Variants in NLRC5 observed in about 807,000 individuals in gnomAD.
NLRC5 encodes protein NLRC5.
Under a neutral mutation model 206.9 loss-of-function variants are expected in NLRC5, and 114 were observed. That is an observed-to-expected ratio of 0.55 (90% confidence interval 0.47 to 0.64). The LOEUF (loss-of-function observed/expected upper bound fraction) is 0.64, where lower values mean the gene tolerates loss of function less well. Ranked by LOEUF, NLRC5 falls within the 30% of genes least tolerant of loss-of-function variation. The pLI, the probability that NLRC5 is intolerant of heterozygous loss-of-function variation, is 0.00. For synonymous variants in NLRC5, 952 were observed against 962.8 expected (o/e 0.99, Z 0.21); for missense variants, 2,008 against 2,305.5 (o/e 0.87, Z 2.64).
intron 20 of NLRC5, among the ~76,000 whole-genome samples, chr16:57,044,497 AC>A (rs2063695721): frequency 6.6e-6 from 1 of 151,898 alleles, no homozygotes; most frequent in Non-Finnish European, 1.5e-5. Flanking sequence ...TTCCCTAAGG[AC>A]CCCCAAGAAT....
In NLRC5 at chr16:57,029,875, G is replaced by A. The variant is rs756119288; in HGVS notation, c.2327+19G>A. The A allele has an allele frequency of 1.1e-5, 17 of 1,611,786 alleles. No individual in the cohort carries two copies. The highest frequency in any genetic ancestry group is 1.4e-5 in the Non-Finnish European group (16 of 1,177,962). ...AGCTTGAGTAAGTGATCTTTCCACTGCCTCTGCAGCCCAGTCCCTCTCTAT... is the reference window on the plus strand; with the variant it reads ...AGCTTGAGTAAGTGATCTTTCCACTACCTCTGCAGCCCAGTCCCTCTCTAT... On this transcript the variant is annotated intron_variant, in intron 9 of 48. Transcript: ENST00000688547.
At chr16:57,013,951 A>G (rs1366830170) in intron 1 of NLRC5, 2 of 462,072 alleles carry the variant, frequency 4.3e-6, no homozygotes, top group Non-Finnish European at 8.1e-6. Context: ...TCAGAATTTC[A>G]AATGTCTGTA....
chr16:57,006,956 A>G (rs1301972336), intron 1 of NLRC5, among the ~76,000 whole-genome samples: 1 of 150,764 alleles, frequency 6.6e-6, no homozygotes, highest in African/African-American at 2.4e-5. Flanking sequence ...TTTGTGAGCT[A>G]TCACTGATAA....
chr16:57,014,241 TTC>T (rs2059796127), intron 1 of NLRC5: 1 of 159,492 alleles, frequency 6.3e-6, no homozygotes, highest in African/African-American at 2.4e-5. Flanking sequence ...CCCCCCTTTT[TTC>T]TTTCAATATC....
At chr16:57,051,507 C>T (rs1284700912) in intron 23 of NLRC5, 31 bp from the exon 24 acceptor site, 4 of 1,565,700 alleles carry the variant, frequency 2.6e-6, no homozygotes, top group African/African-American at 2.7e-5. Flanking sequence ...GGAAGGTTTC[C>T]CCCACCTCAT....
intron 46 of NLRC5, 81 bp from the exon 47 acceptor site, chr16:57,081,017 G>T: frequency 7.7e-7 from 1 of 1,307,082 alleles, no homozygotes; most frequent in Non-Finnish European, 1.1e-6. Flanking sequence ...CTGGCACCCT[G>T]CTTTCCCCAT....
At position 57,036,152 on chromosome 16, in the gene NLRC5, G is replaced by A; in HGVS notation, c.2680G>A (p.Ala894Thr). ...AGGCTGTCGGCTGATGGCAGAGGCT[G>A]CATCCCAGCTGCACATCGCCAGGAA... is the stretch of plus-strand genomic sequence containing the variant. ...DEGCRLMAEA[A>T]SQLHIARKLD... is the part of the protein sequence containing the mutation. Residue 894 changes from alanine (A) to threonine (T), a missense_variant, in exon 14 of 49, where the codon GCA (alanine) becomes ACA (threonine). Physicochemically the swap from Ala to Thr is moderately conservative, Grantham distance 58. Coordinates refer to ENST00000688547, the MANE Select transcript of NLRC5 (RefSeq NM_001384950.1). The A allele has an allele frequency of 6.2e-7, 1 of 1,613,506 alleles. No individual in the cohort carries two copies. The highest frequency in any genetic ancestry group is 8.5e-7 in the Non-Finnish European group (1 of 1,179,978).
At chr16:57,002,889 C>T (rs1214506175) in intron 1 of NLRC5, among the ~76,000 whole-genome samples, 1 of 152,066 alleles carries the variant, frequency 6.6e-6, no homozygotes, top group African/African-American at 2.4e-5. Flanking sequence ...ATGATCTGCC[C>T]ACCTCGGCCT....
At chr16:57,070,646 G>GT in intron 38 of NLRC5, 28 bp downstream of exon 38, 2 of 1,584,856 alleles carry the variant, frequency 1.3e-6, no homozygotes, top group Non-Finnish European at 1.7e-6. Flanking sequence ...TTGTGGGTGA[G>GT]TGAGTGGTGG....
rs148395613 is a variant in NLRC5, at chr16:56,997,996, A to C, written c.-128+8379A>C. On this transcript the variant is annotated intron_variant, in intron 1 of 48. Coordinates refer to ENST00000688547, the MANE Select transcript of NLRC5 (RefSeq NM_001384950.1). ...CCAAAGGGAGCTGGGACTTGTCCGG[A>C]TGTCAGCCTCTAAGTCAGTTTTGGG... 3.4e-3 allele frequency among the ~76,000 whole-genome samples: 521 copies of C among 152,102 alleles called. 4 individuals are homozygous for C. The highest frequency in any genetic ancestry group is 6.2e-3 in the Non-Finnish European group (420 of 67,982).
intron 1 of NLRC5, among the ~76,000 whole-genome samples, chr16:57,002,152 C>T (rs745962368): frequency 9.2e-5 from 14 of 152,012 alleles, no homozygotes; most frequent in Non-Finnish European, 1.9e-4. Context: ...CTCTTTTATT[C>T]TTTTCTTTCT....
chr16:57,016,369 GT>G (rs2060107316), intron 1 of NLRC5, among the ~76,000 whole-genome samples: 1 of 152,140 alleles, frequency 6.6e-6, no homozygotes, highest in African/African-American at 2.4e-5. Flanking sequence ...ACGTGGATTT[GT>G]CTAAAGTCAT....
At chr16:57,024,104 G>A (rs1381693906) in intron 5 of NLRC5, among the ~76,000 whole-genome samples, 1 of 152,234 alleles carries the variant, frequency 6.6e-6, no homozygotes, top group Non-Finnish European at 1.5e-5. Flanking sequence ...TGAAGGAGCT[G>A]GAAGCACCAT....
chr16:57,057,983 G>A (rs2065912175), intron 27 of NLRC5, 82 bp from the exon 28 acceptor site: 2 of 1,111,390 alleles, frequency 1.8e-6, no homozygotes, highest in Non-Finnish European at 2.7e-6. Flanking sequence ...AGTGACAGTG[G>A]ATGCAGGCTC....
chr16:57,026,548 C>T lies in NLRC5; in HGVS notation c.1605C>T (p.Asp535=), dbSNP rs779422061. 1 of 1,614,192 alleles carries T rather than the reference C, an allele frequency of 6.2e-7. No individual in the cohort carries two copies. The highest frequency in any genetic ancestry group is 1.1e-5 in the South Asian group (1 of 91,088). Residue 535 remains aspartate (D), a synonymous_variant, in exon 6 of 49, where the codon GAC becomes GAT. Transcript: ENST00000688547. ...TGGCCAGCCCCAAGGTGAACAAAGA[C>T]ACACTTACCCAGTATGTTACCCTCC... is the stretch of plus-strand genomic sequence containing the variant. ...HLMASPKVNK[D]TLTQYVTLHS...
At chr16:57,078,089 T>G (rs75220858) in intron 43 of NLRC5, 69 bp downstream of exon 43, 408,186 of 1,315,726 alleles carry the variant, frequency 0.31, 68,009 homozygotes, top group African/African-American at 0.61. Context: ...AGTGGGGGGG[T>G]CCAGGCCCCC....
intron 13 of NLRC5, chr16:57,034,595 A>G (rs1174750958): frequency 1.5e-5 from 3 of 205,680 alleles, no homozygotes; most frequent in African/African-American, 2.3e-5. Flanking sequence ...AAGCCCAGAC[A>G]GTCTGGCTCG....
At chr16:57,053,111 A>G (rs553392226) in intron 24 of NLRC5, 2 of 152,346 alleles carry the variant, frequency 1.3e-5, no homozygotes, top group African/African-American at 4.8e-5. Context: ...AAAAATAAGT[A>G]AAGTAAAATC....
At chr16:57,042,867 G>C (rs535448320) in intron 19 of NLRC5, among the ~76,000 whole-genome samples, 1 of 152,314 alleles carries the variant, frequency 6.6e-6, no homozygotes, top group East Asian at 1.9e-4. Flanking sequence ...GCAATGCTGG[G>C]AAGGAAGGGA....
Sources: allele counts gnomAD v4.1 joint callset (sites outside exome capture counted in the v4.1 genomes callset), GRCh38; gene constraint gnomAD v4.1.1; transcripts MANE v1.5; gene names NCBI Gene and HGNC (gene_info 2026-07-23, HGNC 2026-07-21).